EGF: variants seen among roughly 807,000 people sequenced by gnomAD.
EGF encodes epidermal growth factor.
In EGF, 95 loss-of-function variants were observed where a neutral mutation model predicts 143.8. That is an observed-to-expected ratio of 0.66 (90% CI 0.56 to 0.78). EGF has a LOEUF of 0.78. EGF is among the 30% of genes least tolerant of loss of function. The pLI, the probability that EGF is intolerant of heterozygous loss-of-function variation, is 0.00. For synonymous variants in EGF, 510 were observed against 510.5 expected (o/e 1.00, Z 0.01); for missense variants, 1,320 against 1,470.9 (o/e 0.90, Z 1.68).
At chr4:109,996,384 T>C (rs977947631) in intron 20 of EGF, among the ~76,000 whole-genome samples, 1 of 152,196 alleles carries the variant, frequency 6.6e-6, no homozygotes, top group Admixed American at 6.5e-5. Flanking sequence ...AAGACTCAAA[T>C]TGAAGGACCT....
rs574881975 is a variant in EGF, at chr4:109,960,832, C to T, written c.1067-35C>T. The T allele has an allele frequency of 4.3e-6, 7 of 1,612,340 alleles. No individual in the cohort carries two copies. In the South Asian group the frequency reaches 7.7e-5, roughly 18 times the overall value. On this transcript the variant is annotated intron_variant, in intron 6 of 23. Transcript: ENST00000265171. ...TAGCACAATTTATTTTCAAAAATAG[C>T]CATTTGAATGTATTGTGCTGTTGTC...
intron 1 of EGF, among the ~76,000 whole-genome samples, chr4:109,929,712 G>A (rs931112058): frequency 2.0e-4 from 30 of 147,342 alleles, no homozygotes; most frequent in African/African-American, 7.9e-4. Flanking sequence ...GAGTTCCAGA[G>A]CATTTTTTTA....
chr4:109,988,805 T>C (rs1343488604), intron 18 of EGF, 96 bp downstream of exon 18: 4 of 1,567,480 alleles, frequency 2.6e-6, no homozygotes, highest in Non-Finnish European at 3.5e-6. Context: ...CAGGATATAA[T>C]TGGGGTGACA....
intron 18 of EGF, among the ~76,000 whole-genome samples, chr4:109,990,467 G>A (rs940560002): frequency 2.0e-5 from 3 of 152,276 alleles, no homozygotes; most frequent in African/African-American, 7.2e-5. Flanking sequence ...TGAAGGGATG[G>A]GAGGAGTCCA....
chr4:109,939,499 A>G (rs1377109612), intron 1 of EGF, among the ~76,000 whole-genome samples: 2 of 152,232 alleles, frequency 1.3e-5, no homozygotes, highest in African/African-American at 4.8e-5. Flanking sequence ...CACTTCCCAC[A>G]TGAGGCAACA....
chr4:109,931,219 C>T (rs1304800109), intron 1 of EGF, among the ~76,000 whole-genome samples: 1 of 152,206 alleles, frequency 6.6e-6, no homozygotes, highest in African/African-American at 2.4e-5. Context: ...ATGTAGTCCT[C>T]CATAATTAAT....
chr4:109,917,799 T>C (rs28415968), intron 1 of EGF, among the ~76,000 whole-genome samples: 2,392 of 152,106 alleles, frequency 0.016, 64 homozygotes, highest in African/African-American at 0.054. Context: ...TTTGTATTTT[T>C]AGTAGAGATG....
intron 8 of EGF, 28 bp from the exon 9 acceptor site, chr4:109,963,145 C>T (rs757921371): frequency 1.9e-6 from 3 of 1,612,432 alleles, no homozygotes; most frequent in South Asian, 2.2e-5. Flanking sequence ...GATGACGTAG[C>T]ATCATTACTA....
rs1355940517 is a variant in EGF at position 109,999,718 on chromosome 4, A to G, written c.3045A>G (p.Arg1015=). Residue 1015 remains arginine, a synonymous_variant, in exon 21 of 24, where the codon CGA becomes CGG. Coordinates refer to ENST00000265171, the MANE Select transcript of EGF (RefSeq NM_001963.6). The part of the protein sequence containing the change: ...VGYIGERCQY[R]DLKWWELRHA... ...ACATCGGGGAGCGATGTCAGTACCG[A>G]GACCTGAAGTGGTGGGAACTGCGCC... The G allele has an allele frequency of 1.4e-5, 22 of 1,613,976 alleles. No homozygotes were observed. Among genetic ancestry groups the G allele is most frequent in the Non-Finnish European group, 1.8e-5 (21 of 1,180,020 alleles).
At chr4:109,987,308 T>C (rs1276660339) in intron 16 of EGF, among the ~76,000 whole-genome samples, 3 of 152,026 alleles carry the variant, frequency 2.0e-5, no homozygotes, top group Non-Finnish European at 2.9e-5. Flanking sequence ...ATGCATCTCT[T>C]TTTTTTTCTT....
chr4:109,953,391 A>C lies in EGF; in HGVS notation c.941-5921A>C, dbSNP rs559193103. On this transcript the variant is annotated intron_variant, in intron 5 of 23. Coordinates refer to ENST00000265171, the MANE Select transcript of EGF (RefSeq NM_001963.6). ...ATTCTAATTCTGTCACTGTTTATGCATATATTAGCTGGGATTCTTATACAA... is the reference window on the plus strand; with the variant it reads ...ATTCTAATTCTGTCACTGTTTATGCCTATATTAGCTGGGATTCTTATACAA... Among the ~76,000 whole-genome samples, 8 of 152,324 alleles carry C rather than the reference A, an allele frequency of 5.3e-5. No individual in the cohort carries two copies. The East Asian group carries it at 1.5e-3, about 29-fold the overall frequency.
chr4:109,995,845 T>C (rs1467415269), intron 20 of EGF, among the ~76,000 whole-genome samples: 1 of 152,226 alleles, frequency 6.6e-6, no homozygotes, highest in East Asian at 1.9e-4. Flanking sequence ...GAGTAAGCTA[T>C]ATTCTGTGAC....
chr4:109,925,889 T>G (rs1344322282), intron 1 of EGF, among the ~76,000 whole-genome samples: 1 of 152,210 alleles, frequency 6.6e-6, no homozygotes, highest in Non-Finnish European at 1.5e-5. Context: ...CACCACAGCC[T>G]TCACAGCAAG....
chr4:109,941,140 C>T lies in EGF; in HGVS notation c.322C>T (p.Gln108Ter). 4 of 1,613,726 alleles carry T rather than the reference C, an allele frequency of 2.5e-6. No individual in the cohort carries two copies. The highest frequency in any genetic ancestry group is 3.4e-6 in the Non-Finnish European group (4 of 1,179,814). The change falls in exon 2 of 24, where the codon CAA (glutamine) becomes TAA (stop). Residue 108 changes from glutamine (Q) to a stop codon, truncating the protein, a stop_gained. Transcript: ENST00000265171. LOFTEE classifies it high-confidence loss of function. ...AAGAGTTTTTCTGAATGGGTCAAGG[C>T]AAGAGGTAAAATACCCTTACCTACA... ...LQRVFLNGSR[Q>*]ERVCNIEKNV...
chr4:109,956,454 T>C (rs1578253045), intron 5 of EGF, among the ~76,000 whole-genome samples: 1 of 152,354 alleles, frequency 6.6e-6, no homozygotes, highest in East Asian at 1.9e-4. Context: ...TTTTTGTTGT[T>C]GTTAACTTGT....
chr4:109,966,037 A>AT (rs201626605), intron 10 of EGF, among the ~76,000 whole-genome samples: 14,274 of 151,464 alleles, frequency 0.094, 809 homozygotes, highest in East Asian at 0.19. Flanking sequence ...ATCTTTAAAA[A>AT]AATATATATA....
intron 1 of EGF, among the ~76,000 whole-genome samples, chr4:109,919,882 A>C (rs2125932383): frequency 6.6e-6 from 1 of 151,860 alleles, no homozygotes; most frequent in East Asian, 1.9e-4. Context: ...CTTATTTAGT[A>C]GTTACTGACT....
At chr4:109,934,153 T>C (rs369152369) in intron 1 of EGF, among the ~76,000 whole-genome samples, 2 of 152,360 alleles carry the variant, frequency 1.3e-5, no homozygotes, top group South Asian at 2.1e-4. Flanking sequence ...TGGTTTTGAT[T>C]TGCATTTCTC....
rs17041036 is a variant in EGF at position 109,921,720 on chromosome 4, A to G, written c.127+8258A>G. 0.013 allele frequency among the ~76,000 whole-genome samples: 1,992 copies of G among 151,630 alleles called. 210 individuals are homozygous for G. In the East Asian group the frequency reaches 0.23, roughly 18 times the overall value. ...GGTGGTTGCTAGGATACAGATAGTC[A>G]CAACAGCATCACGGCAGCTGCCTTG... On this transcript the variant is annotated intron_variant, in intron 1 of 23. Transcript: ENST00000265171.
Sources: allele counts gnomAD v4.1 joint callset (sites outside exome capture counted in the v4.1 genomes callset), GRCh38; gene constraint gnomAD v4.1.1; transcripts MANE v1.5; gene names NCBI Gene and HGNC (gene_info 2026-07-23, HGNC 2026-07-21).